The following RUNX2 variants were observed in gnomAD, a reference collection of about 807,000 sequenced individuals.
RUNX2 encodes RUNX family transcription factor 2.
A neutral mutation model predicts 51.7 loss-of-function variants in RUNX2; 10 were observed. That is an observed-to-expected ratio of 0.19 (90% CI 0.12 to 0.33). The LOEUF (loss-of-function observed/expected upper bound fraction) is 0.33, where lower values mean the gene tolerates loss of function less well. Ranked by LOEUF, RUNX2 falls within the 10% of genes least tolerant of loss-of-function variation. RUNX2 has a pLI of 1.00. For missense variants in RUNX2, 562 were observed against 691.3 expected, an observed-to-expected ratio of 0.81 and a Z score of 2.10; for synonymous variants, 276 against 273.6, an observed-to-expected ratio of 1.01 and a Z score of -0.09.
At position 45,328,338 on chromosome 6, in the gene RUNX2, CACAA is replaced by C. The variant is rs1786742321; in HGVS notation, c.-184_-181del. 3 of 1,376,988 alleles carry C rather than the reference CACAA, an allele frequency of 2.2e-6. No individual in the cohort carries two copies. Among genetic ancestry groups the C allele is most frequent in the Non-Finnish European group, 2.9e-6 (3 of 1,028,736 alleles). The allele number at this position is 1,376,988 out of a possible 1,614,324, so 85.3% of individuals were successfully genotyped here. A position where few individuals can be genotyped will look rare whatever the true frequency, so the allele number is the denominator to read the frequency against. On this transcript the variant is annotated 5_prime_UTR_variant, in exon 1 of 9. Coordinates refer to ENST00000647337, the MANE Select transcript of RUNX2 (RefSeq NM_001024630.4). ...GATTGTGTGAATGCTTCATTCGCCT[CACAA>C]ACAACCACAGAACCACAAGTGCGGT...
chr6:45,546,625 AACTTAAG>A, intron 8 of RUNX2, among the ~76,000 whole-genome samples, 195 bp from the exon 9 acceptor site: 1 of 152,264 alleles, frequency 6.6e-6, no homozygotes, highest in East Asian at 1.9e-4. Flanking sequence ...GGGGGTGAAG[AACTTAAG>A]GATCAATGCT....
At position 45,547,458 on chromosome 6, in the gene RUNX2, T is replaced by C; in HGVS notation, c.*153T>C. 1 of 692,462 alleles carries C rather than the reference T, an allele frequency of 1.4e-6. No individual in the cohort carries two copies. Among genetic ancestry groups the C allele is most frequent in the South Asian group, 1.7e-5 (1 of 59,362 alleles). The allele number at this position is 692,462 out of a possible 1,614,324, so 42.9% of individuals were successfully genotyped here. A position where few individuals can be genotyped will look rare whatever the true frequency, so the allele number is the denominator to read the frequency against. ...GATTTTTCATTCACTCACTCAGTCA[T>C]GATCTTGCAGCCATAAGAGGGTAGA... On this transcript the variant is annotated 3_prime_UTR_variant, in exon 9 of 9. Coordinates refer to ENST00000647337, the MANE Select transcript of RUNX2 (RefSeq NM_001024630.4).
At chr6:45,504,141 G>C (rs992952302) in intron 6 of RUNX2, among the ~76,000 whole-genome samples, 2 of 152,092 alleles carry the variant, frequency 1.3e-5, no homozygotes, top group African/African-American at 2.4e-5. Flanking sequence ...GGACAAGGGG[G>C]GTCCGCACCT....
intron 2 of RUNX2, among the ~76,000 whole-genome samples, chr6:45,375,786 T>G (rs982772827): frequency 6.6e-6 from 1 of 152,144 alleles, no homozygotes; most frequent in African/African-American, 2.4e-5. Context: ...ATTTGTTCTT[T>G]TAGTTTTATT....
intron 6 of RUNX2, 97 bp from the exon 7 acceptor site, chr6:45,512,149 C>G (rs1801172603): frequency 8.5e-7 from 1 of 1,175,992 alleles, no homozygotes; most frequent in Admixed American, 1.9e-5. Flanking sequence ...TTTTTCTCTC[C>G]CTGTTTTTCT....
intron 4 of RUNX2, among the ~76,000 whole-genome samples, chr6:45,434,403 A>G (rs921114587): frequency 6.6e-6 from 1 of 152,172 alleles, no homozygotes; most frequent in African/African-American, 2.4e-5. Flanking sequence ...TTCTATTTTC[A>G]GTAGTGTTAT....
chr6:45,404,733 C>T (rs1035601241), intron 2 of RUNX2, among the ~76,000 whole-genome samples: 1 of 152,170 alleles, frequency 6.6e-6, no homozygotes, highest in South Asian at 2.1e-4. Context: ...TTTATTTTAG[C>T]CAGAGGAAGA....
Position 45,396,443 on chromosome 6 carries a change from G to A in RUNX2, c.59-26150G>A, listed in dbSNP as rs1017511138. Among the ~76,000 whole-genome samples, 18 of 152,236 alleles carry A rather than the reference G, an allele frequency of 1.2e-4. No homozygotes were observed. In the South Asian group the frequency reaches 3.3e-3, roughly 28 times the overall value. On this transcript the variant is annotated intron_variant, in intron 2 of 8. Coordinates refer to ENST00000647337, the MANE Select transcript of RUNX2 (RefSeq NM_001024630.4). ...CCATGCCAGCCCTAGACAACCACTA[G>A]TCTACTTTCTAGAGTTCAGTGGCAC...
At chr6:45,404,018 G>A (rs1388842980) in intron 2 of RUNX2, among the ~76,000 whole-genome samples, 1 of 152,028 alleles carries the variant, frequency 6.6e-6, no homozygotes, top group Admixed American at 6.6e-5. Flanking sequence ...CCATCACTTT[G>A]GGAGGCCAAG....
chr6:45,473,937 C>T (rs1799879380), intron 5 of RUNX2, among the ~76,000 whole-genome samples: 2 of 152,162 alleles, frequency 1.3e-5, no homozygotes, highest in Non-Finnish European at 1.5e-5. Flanking sequence ...GTCACCAGGT[C>T]CTGGAAAGAA....
In RUNX2 at chr6:45,398,511, A is replaced by G. The variant is rs548895617; in HGVS notation, c.59-24082A>G. Among the ~76,000 whole-genome samples the G allele has an allele frequency of 2.0e-5, 3 of 152,372 alleles. No homozygotes were observed. The South Asian group carries it at 6.2e-4, about 32-fold the overall frequency. The stretch of plus-strand genomic sequence containing the variant: ...TTCAAAAGATATGTGAAGATTTTAA[A>G]GAAATTGGCAAGTACATACAATATG... On this transcript the variant is annotated intron_variant, in intron 2 of 8. Transcript: ENST00000647337.
chr6:45,462,192 G>A (rs1799496844), intron 5 of RUNX2, among the ~76,000 whole-genome samples: 1 of 152,212 alleles, frequency 6.6e-6, no homozygotes, highest in Non-Finnish European at 1.5e-5. Context: ...TCAATGAGGT[G>A]CACTGCAGTT....
chr6:45,342,528 C>A (rs12205312), intron 2 of RUNX2, among the ~76,000 whole-genome samples: 2 of 151,952 alleles, frequency 1.3e-5, no homozygotes, highest in Non-Finnish European at 2.9e-5. Flanking sequence ...CAAAGTGCTG[C>A]GATTACACGC....
intron 7 of RUNX2, among the ~76,000 whole-genome samples, chr6:45,531,353 T>C (rs537098092): frequency 6.6e-6 from 1 of 152,136 alleles, no homozygotes; most frequent in East Asian, 1.9e-4. Context: ...TAAAGTAAAA[T>C]GGACCAAATC....
intron 8 of RUNX2, 104 bp downstream of exon 8, chr6:45,545,386 A>G (rs1312724549): frequency 1.6e-6 from 2 of 1,265,860 alleles, no homozygotes; most frequent in East Asian, 2.5e-5. Flanking sequence ...TGTTGCTTTT[A>G]AAGAGTCACT....
intron 5 of RUNX2, among the ~76,000 whole-genome samples, chr6:45,485,689 G>GTATATATATATATATATA (rs1563107039): frequency 1.3e-5 from 1 of 75,676 alleles, no homozygotes; most frequent in African/African-American, 4.9e-5. Context: ...GTGTGTGTGT[G>GTATATATATATATATATA]TGTGTGTGTA....
At chr6:45,495,610 C>A (rs536220596) in intron 6 of RUNX2, among the ~76,000 whole-genome samples, 1 of 152,298 alleles carries the variant, frequency 6.6e-6, no homozygotes, top group South Asian at 2.1e-4. Flanking sequence ...TTCCTCTCTG[C>A]AATTGGCTTG....
At chr6:45,460,507 C>A (rs1319936377) in intron 5 of RUNX2, among the ~76,000 whole-genome samples, 1 of 152,148 alleles carries the variant, frequency 6.6e-6, no homozygotes, top group East Asian at 1.9e-4. Context: ...AAAGTGAACA[C>A]ACTTTCAGGA....
intron 7 of RUNX2, 113 bp downstream of exon 7, chr6:45,512,520 G>A: frequency 8.6e-7 from 1 of 1,166,032 alleles, no homozygotes; most frequent in Non-Finnish European, 1.3e-6. Flanking sequence ...GAGGCATGTG[G>A]GCAAGGGAAT....
Sources: gnomAD v4.1 joint callset for allele counts (sites outside exome capture counted in the v4.1 genomes callset) on GRCh38, gnomAD v4.1.1 for gene constraint, MANE v1.5 for transcripts, NCBI Gene and HGNC (gene_info 2026-07-23, HGNC 2026-07-21) for gene names.